The following FBXL17 variants were observed in gnomAD, a reference collection of about 807,000 sequenced individuals.
FBXL17 encodes F-box and leucine rich repeat protein 17, also known as F-box/LRR-repeat protein 17.
A neutral mutation model predicts 66.2 loss-of-function variants in FBXL17; 22 were observed. The ratio of observed to expected loss-of-function variants is 0.33; its 90% CI spans 0.24 to 0.47. The LOEUF (loss-of-function observed/expected upper bound fraction) is 0.47. FBXL17 is among the 20% of genes least tolerant of loss of function. FBXL17 has a pLI of 1.00. For synonymous variants in FBXL17, 474 were observed against 400.5 expected, an observed-to-expected ratio of 1.18 and a Z score of -2.19; for missense variants, 878 against 948.2, an observed-to-expected ratio of 0.93 and a Z score of 0.97.
intron 7 of FBXL17, among the ~76,000 whole-genome samples, chr5:107,955,608 T>C (rs1034283618): frequency 2.0e-4 from 31 of 152,178 alleles, no homozygotes; most frequent in African/African-American, 7.5e-4. Flanking sequence ...AGCACTTTAG[T>C]AAGTGTCACC....
chr5:108,057,082 G>C (rs1222875834), intron 6 of FBXL17, among the ~76,000 whole-genome samples: 1 of 152,114 alleles, frequency 6.6e-6, no homozygotes, highest in Non-Finnish European at 1.5e-5. Flanking sequence ...TTTTGCAAAT[G>C]ACTTCAAAAA....
At chr5:107,949,479 T>C (rs1303721730) in intron 7 of FBXL17, among the ~76,000 whole-genome samples, 1 of 152,184 alleles carries the variant, frequency 6.6e-6, no homozygotes, top group African/African-American at 2.4e-5. Context: ...CAACACATTC[T>C]ACATGTTTTA....
At chr5:108,013,612 T>C (rs1754266111) in intron 7 of FBXL17, among the ~76,000 whole-genome samples, 1 of 152,200 alleles carries the variant, frequency 6.6e-6, no homozygotes, top group East Asian at 1.9e-4. Flanking sequence ...TTCCGTCTTC[T>C]TTCTCAACAC....
chr5:107,931,434 G>A (rs1237884878), intron 7 of FBXL17, among the ~76,000 whole-genome samples: 1 of 151,306 alleles, frequency 6.6e-6, no homozygotes, highest in African/African-American at 2.4e-5. Flanking sequence ...TAATTTTTTT[G>A]TATTTTTATA....
At chr5:108,175,165 C>T (rs1409365241) in intron 6 of FBXL17, among the ~76,000 whole-genome samples, 3 of 152,088 alleles carry the variant, frequency 2.0e-5, no homozygotes, top group Non-Finnish European at 2.9e-5. Context: ...TCTCCCAACA[C>T]GAATGTATTA....
At chr5:108,375,794 T>C (rs1273383623) in intron 1 of FBXL17, among the ~76,000 whole-genome samples, 1 of 152,188 alleles carries the variant, frequency 6.6e-6, no homozygotes, top group African/African-American at 2.4e-5. Context: ...CATATCCTGA[T>C]ACCAAAGCCA....
intron 4 of FBXL17, among the ~76,000 whole-genome samples, chr5:108,342,427 T>C (rs1241071428): frequency 6.6e-6 from 1 of 152,196 alleles, no homozygotes. Flanking sequence ...TTGCAGCTTC[T>C]CCTGAAATCA....
At chr5:108,142,978 T>TATAATAATAATAATAATA (rs10623997) in intron 6 of FBXL17, among the ~76,000 whole-genome samples, 4,289 of 145,048 alleles carry the variant, frequency 0.03, 78 homozygotes, top group Non-Finnish European at 0.035. Context: ...GAACATAAAG[T>TATAATAATAATAATAATA]ATAATAATAA....
At chr5:108,357,664 A>G (rs1295174963) in intron 3 of FBXL17, among the ~76,000 whole-genome samples, 1 of 152,016 alleles carries the variant, frequency 6.6e-6, no homozygotes, top group Admixed American at 6.6e-5. Flanking sequence ...TAAAATAAAA[A>G]TCGATTACAG....
At chr5:107,934,178 G>T (rs1396550922) in intron 7 of FBXL17, among the ~76,000 whole-genome samples, 4 of 152,042 alleles carry the variant, frequency 2.6e-5, no homozygotes, top group East Asian at 1.9e-4. Flanking sequence ...CTTTGGGAAA[G>T]AAATTATTTT....
intron 5 of FBXL17, among the ~76,000 whole-genome samples, chr5:108,210,932 T>C (rs180680478): frequency 3.9e-5 from 6 of 152,260 alleles, no homozygotes; most frequent in Admixed American, 2.0e-4. Flanking sequence ...CCCACTATTA[T>C]TGTGTGGGAG....
chr5:108,157,840 T>C (rs1752052435), intron 6 of FBXL17, among the ~76,000 whole-genome samples: 1 of 152,074 alleles, frequency 6.6e-6, no homozygotes, highest in Non-Finnish European at 1.5e-5. Flanking sequence ...ATTCTATCTA[T>C]ATACCACCTT....
intron 5 of FBXL17, among the ~76,000 whole-genome samples, chr5:108,217,793 C>T (rs1038082507): frequency 3.3e-5 from 5 of 152,080 alleles, no homozygotes; most frequent in African/African-American, 4.8e-5. Flanking sequence ...CTCCCTTCAG[C>T]ATCTGGTAAC....
At chr5:108,107,811 C>CAAAA (rs143806373) in intron 6 of FBXL17, among the ~76,000 whole-genome samples, 1 of 120,732 alleles carries the variant, frequency 8.3e-6, no homozygotes, top group Non-Finnish European at 1.7e-5. Context: ...GACTCTGTCT[C>CAAAA]AAAAAAAAAA....
chr5:108,141,129 A>T (rs1751333119), intron 6 of FBXL17, among the ~76,000 whole-genome samples: 1 of 152,074 alleles, frequency 6.6e-6, no homozygotes, highest in Admixed American at 6.5e-5. Flanking sequence ...TAACAATGAG[A>T]TATTTCTATT....
At chr5:107,915,728 G>A (rs1365239343) in intron 7 of FBXL17, among the ~76,000 whole-genome samples, 1 of 152,198 alleles carries the variant, frequency 6.6e-6, no homozygotes. Context: ...GATTGGGTTT[G>A]CTCTAGCCTC....
At chr5:108,198,447 T>C (rs775705236) in intron 5 of FBXL17, among the ~76,000 whole-genome samples, 2 of 152,050 alleles carry the variant, frequency 1.3e-5, no homozygotes, top group East Asian at 1.9e-4. Context: ...TTGAAAAAAA[T>C]AGTATTTCTT....
At chr5:107,913,787 C>T (rs1264457911) in intron 7 of FBXL17, among the ~76,000 whole-genome samples, 1 of 152,108 alleles carries the variant, frequency 6.6e-6, no homozygotes, top group African/African-American at 2.4e-5. Flanking sequence ...ACTGCTTATT[C>T]TGCAAAAACT....
At chr5:107,892,812 T>C (rs905448146) in intron 7 of FBXL17, among the ~76,000 whole-genome samples, 4 of 152,048 alleles carry the variant, frequency 2.6e-5, no homozygotes, top group Non-Finnish European at 4.4e-5. Context: ...GTGTAGATAT[T>C]TGCAATGATT....
Sources: allele counts gnomAD v4.1 joint callset (sites outside exome capture counted in the v4.1 genomes callset), GRCh38; gene constraint gnomAD v4.1.1; transcripts MANE v1.5; gene names NCBI Gene and HGNC (gene_info 2026-07-23, HGNC 2026-07-21).